DEPDC5: variants seen among roughly 807,000 people sequenced by gnomAD.
The protein encoded by DEPDC5 is DEP domain containing 5, GATOR1 subcomplex subunit.
In DEPDC5, 73 loss-of-function variants were observed where a neutral mutation model predicts 217.3. That is an observed-to-expected ratio of 0.34 (90% CI 0.28 to 0.41). The LOEUF (loss-of-function observed/expected upper bound fraction) is 0.41. Among genes scored for constraint, DEPDC5 ranks in the 10% least tolerant of loss-of-function variants. The pLI, the probability that DEPDC5 is intolerant of heterozygous loss-of-function variation, is 1.00. For synonymous variants in DEPDC5, 733 were observed against 756.7 expected (o/e 0.97, Z 0.51); for missense variants, 1,675 against 2,070.1 (o/e 0.81, Z 3.70).
intron 37 of DEPDC5, among the ~76,000 whole-genome samples, chr22:31,877,910 G>A (rs942986742): frequency 2.0e-5 from 3 of 151,922 alleles, no homozygotes; most frequent in South Asian, 2.1e-4. Context: ...AAACATGGCC[G>A]GGAGCGGTGG....
chr22:31,822,627 T>C, intron 23 of DEPDC5, 66 bp from the exon 24 acceptor site: 1 of 1,513,428 alleles, frequency 6.6e-7, no homozygotes, highest in Non-Finnish European at 9.1e-7. Context: ...CCCCGGGATA[T>C]AGGTGAGCAG....
intron 5 of DEPDC5, among the ~76,000 whole-genome samples, chr22:31,765,571 G>T (rs1056672935): frequency 6.6e-6 from 1 of 152,106 alleles, no homozygotes; most frequent in African/African-American, 2.4e-5. Flanking sequence ...TTCCAGGTAG[G>T]AGCTACCGCG....
chr22:31,790,046 T>C (rs752747366), intron 10 of DEPDC5, among the ~76,000 whole-genome samples: 1 of 152,124 alleles, frequency 6.6e-6, no homozygotes, highest in African/African-American at 2.4e-5. Flanking sequence ...TGTGAGCCCG[T>C]TGTGTTTTCC....
chr22:31,765,376 G>A (rs1314331027), intron 5 of DEPDC5, among the ~76,000 whole-genome samples: 1 of 152,028 alleles, frequency 6.6e-6, no homozygotes, highest in Non-Finnish European at 1.5e-5. Context: ...TGCAACTGGT[G>A]CCTCCCAGGT....
chr22:31,852,339 A>AT (rs71320909), intron 31 of DEPDC5, among the ~76,000 whole-genome samples: 2,184 of 125,926 alleles, frequency 0.017, 46 homozygotes, highest in African/African-American at 0.034. Context: ...ATTTATTACT[A>AT]TTTTTTTTTT....
At chr22:31,879,029 C>CAAAAAAA (rs1264327219) in intron 37 of DEPDC5, among the ~76,000 whole-genome samples, 2,021 of 67,792 alleles carry the variant, frequency 0.03, 60 homozygotes, top group Non-Finnish European at 0.039. Flanking sequence ...GACTCCGTCT[C>CAAAAAAA]AAAAAAAAAA....
At chr22:31,863,042 G>A (rs1418545896) in intron 33 of DEPDC5, among the ~76,000 whole-genome samples, 1 of 152,140 alleles carries the variant, frequency 6.6e-6, no homozygotes, top group Non-Finnish European at 1.5e-5. Context: ...TAGAGGTAGG[G>A]TCTTGCTATG....
At chr22:31,803,377 A>AT (rs1568952059) in intron 15 of DEPDC5, among the ~76,000 whole-genome samples, 1 of 151,694 alleles carries the variant, frequency 6.6e-6, no homozygotes, top group Non-Finnish European at 1.5e-5. Flanking sequence ...TGCCCGGCTA[A>AT]TTTTTTTTGT....
At position 31,879,956 on chromosome 22, in the gene DEPDC5, C is replaced by T. The variant is rs16989600; in HGVS notation, c.4033+204C>T. The T allele has an allele frequency of 0.066, 38,193 of 579,228 alleles. 1,542 individuals are homozygous for T. The highest frequency in any genetic ancestry group is 0.13 in the Admixed American group (4,320 of 33,458). The allele number at this position is 579,228 out of a possible 1,614,324, so 35.9% of individuals were successfully genotyped here. A position where few individuals can be genotyped will look rare whatever the true frequency, so the allele number is the denominator to read the frequency against. ...TTTTATGACTGTCCCAACCAACAGA[C>T]GGTATTTAGCACCTCTCAAATCAGA... On this transcript the variant is annotated intron_variant, in intron 38 of 42. Transcript: ENST00000651528.
intron 24 of DEPDC5, among the ~76,000 whole-genome samples, chr22:31,833,031 A>G (rs1256703205): frequency 6.6e-6 from 1 of 152,138 alleles, no homozygotes; most frequent in Non-Finnish European, 1.5e-5. Context: ...ATGTTTAGTG[A>G]GCATCTTTCC....
intron 10 of DEPDC5, among the ~76,000 whole-genome samples, chr22:31,791,824 G>T (rs145973982): frequency 1.3e-5 from 2 of 149,984 alleles, no homozygotes; most frequent in Non-Finnish European, 3.0e-5. Context: ...CTACTTGGGA[G>T]GCTGAGGCAG....
intron 38 of DEPDC5, among the ~76,000 whole-genome samples, chr22:31,888,624 G>T (rs956780641): frequency 3.3e-5 from 5 of 151,858 alleles, no homozygotes; most frequent in African/African-American, 9.7e-5. Flanking sequence ...ATCCTAGCTT[G>T]CTGCAGCGTC....
rs1761889605 is a variant in DEPDC5 at position 31,845,343 on chromosome 22, CT to C, written c.3021+107del. The C allele has an allele frequency of 2.9e-6, 4 of 1,389,164 alleles. No individual in the cohort carries two copies. In the Admixed American group the frequency reaches 8.7e-5, roughly 30 times the overall value. The allele number at this position is 1,389,164 out of a possible 1,614,324, so 86.1% of individuals were successfully genotyped here. ...ATCAGCCTACTTATTTACTCCTCAG[CT>C]GCCCAGTGTTTACCTTAAATCCAAA... On this transcript the variant is annotated intron_variant, in intron 30 of 42. Coordinates refer to ENST00000651528, the MANE Select transcript of DEPDC5 (RefSeq NM_001242896.3).
At position 31,879,656 on chromosome 22, in the gene DEPDC5, C is replaced by T; in HGVS notation, c.3937C>T (p.Leu1313=). The part of the protein sequence containing the change: ...LVHSEIPAFL[L]PWLPSRPASY... ...GCACTCTGAGATTCCTGCCTTTCTC[C>T]TGCCCTGGCTGCCTAGCCGGCCAGC... Residue 1313 remains leucine, a synonymous_variant, in exon 38 of 43, where the codon CTG becomes TTG. Transcript: ENST00000651528. 2 of 1,614,138 alleles carry T rather than the reference C, an allele frequency of 1.2e-6. No homozygotes were observed. Among genetic ancestry groups the T allele is most frequent in the South Asian group, 1.1e-5 (1 of 91,084 alleles).
chr22:31,899,003 T>C (rs1424558253), intron 40 of DEPDC5, among the ~76,000 whole-genome samples: 1 of 152,230 alleles, frequency 6.6e-6, no homozygotes. Flanking sequence ...TTGTTTTTAT[T>C]ATGTTGAAGG....
At chr22:31,872,582 A>T (rs1021305378) in intron 34 of DEPDC5, among the ~76,000 whole-genome samples, 1 of 152,100 alleles carries the variant, frequency 6.6e-6, no homozygotes, top group Admixed American at 6.6e-5. Flanking sequence ...CAATGAAGCT[A>T]CCTGTGAAAG....
At chr22:31,838,304 C>G (rs571726974) in intron 26 of DEPDC5, among the ~76,000 whole-genome samples, 1 of 151,916 alleles carries the variant, frequency 6.6e-6, no homozygotes, top group African/African-American at 2.4e-5. Flanking sequence ...TTTCTTTTCT[C>G]TATCTCTTTT....
intron 20 of DEPDC5, among the ~76,000 whole-genome samples, chr22:31,810,932 C>T (rs1054389917): frequency 2.6e-5 from 4 of 151,816 alleles, no homozygotes; most frequent in African/African-American, 7.3e-5. Flanking sequence ...TGCGCCATCA[C>T]GCCTGGCTAA....
At chr22:31,767,611 A>G (rs940700220) in intron 6 of DEPDC5, among the ~76,000 whole-genome samples, 2 of 151,286 alleles carry the variant, frequency 1.3e-5, no homozygotes, top group Admixed American at 1.3e-4. Context: ...TTGTATTTTT[A>G]GTAGAGGTGG....
Sources: allele counts gnomAD v4.1 joint callset (sites outside exome capture counted in the v4.1 genomes callset), GRCh38; gene constraint gnomAD v4.1.1; transcripts MANE v1.5; gene names NCBI Gene and HGNC (gene_info 2026-07-23, HGNC 2026-07-21).